Variants in VAPA observed in about 807,000 individuals in gnomAD.
VAPA encodes the protein vesicle-associated membrane protein-associated protein A.
Under a neutral mutation model 25.6 loss-of-function variants are expected in VAPA, and 6 were observed. That is an observed-to-expected ratio of 0.23 (90% CI 0.13 to 0.46). The LOEUF (loss-of-function observed/expected upper bound fraction) is 0.46. VAPA is among the 20% of genes least tolerant of loss of function. VAPA has a pLI of 0.99. For synonymous variants in VAPA, 112 were observed against 106.2 expected, an observed-to-expected ratio of 1.05 and a Z score of -0.34; for missense variants, 244 against 302.1, an observed-to-expected ratio of 0.81 and a Z score of 1.43.
chr18:9,937,160 G>T (rs2069319409), intron 4 of VAPA, 94 bp downstream of exon 4: 6 of 878,606 alleles, frequency 6.8e-6, no homozygotes, highest in Non-Finnish European at 8.8e-6. Flanking sequence ...AGGTATGTGT[G>T]ATATGGCTAT....
In VAPA at chr18:9,955,320, G is replaced by A. The variant is rs1035736841; in HGVS notation, c.*1109G>A. ...ATGGAAGTTTGGTAATACTGAGCAA[G>A]CCTGTGGAATTTTCTTTATGAAAAA... is the stretch of plus-strand genomic sequence containing the variant. On this transcript the variant is annotated 3_prime_UTR_variant, in exon 6 of 6. Coordinates refer to ENST00000400000, the MANE Select transcript of VAPA (RefSeq NM_194434.3). The A allele has an allele frequency of 2.0e-5, 3 of 152,194 alleles. No homozygotes were observed. The highest frequency in any genetic ancestry group is 4.8e-5 in the African/African-American group (2 of 41,456). 9.4% of individuals were successfully genotyped at this position (152,194 alleles called of 1,614,324 possible).
chr18:9,926,672 G>T (rs977667459), intron 1 of VAPA, among the ~76,000 whole-genome samples: 16 of 152,136 alleles, frequency 1.1e-4, no homozygotes, highest in African/African-American at 3.9e-4. Context: ...GAAACCCTGA[G>T]CTTAGAGAAC....
rs530156069 is a variant in VAPA, at chr18:9,956,485, T to C, written c.*2274T>C. ...TAGGTAGGCATTTTATAAAATGCAT[T>C]ATGCCATGGTTGCTTTTGAGATAGA... is the stretch of plus-strand genomic sequence containing the variant. On this transcript the variant is annotated 3_prime_UTR_variant, in exon 6 of 6. Transcript: ENST00000400000. 3 of 152,598 alleles carry C rather than the reference T, an allele frequency of 2.0e-5. No homozygotes were observed. Among genetic ancestry groups the C allele is most frequent in the Non-Finnish European group, 4.4e-5 (3 of 68,034 alleles). The allele number at this position is 152,598 out of a possible 1,614,324, so 9.5% of individuals were successfully genotyped here.
chr18:9,943,394 C>T (rs890625920), intron 4 of VAPA, among the ~76,000 whole-genome samples: 3 of 152,120 alleles, frequency 2.0e-5, no homozygotes, highest in African/African-American at 7.2e-5. Context: ...CAAATACCAT[C>T]CTTAAGCACA....
chr18:9,943,181 A>G (rs1316424221), intron 4 of VAPA, among the ~76,000 whole-genome samples: 1 of 152,192 alleles, frequency 6.6e-6, no homozygotes, highest in Non-Finnish European at 1.5e-5. Flanking sequence ...GCTTGAGTCC[A>G]TGTTTTTATT....
intron 4 of VAPA, among the ~76,000 whole-genome samples, chr18:9,946,040 C>A (rs1274544166): frequency 2.0e-5 from 3 of 152,138 alleles, no homozygotes; most frequent in Non-Finnish European, 2.9e-5. Context: ...CTTTGTTCTT[C>A]CCAAGGCTTC....
chr18:9,921,688 A>G (rs982403869), intron 1 of VAPA, among the ~76,000 whole-genome samples: 1 of 152,166 alleles, frequency 6.6e-6, no homozygotes, highest in East Asian at 1.9e-4. Context: ...TTGATACAGG[A>G]TGGATCTTGC....
chr18:9,926,378 A>G (rs2069200323), intron 1 of VAPA, among the ~76,000 whole-genome samples: 1 of 152,162 alleles, frequency 6.6e-6, no homozygotes. Flanking sequence ...GTATTTGAGC[A>G]GAGCACCCAG....
chr18:9,958,951 T>G lies in VAPA; in HGVS notation c.*4740T>G, dbSNP rs1364366331. On this transcript the variant is annotated 3_prime_UTR_variant, in exon 6 of 6. Coordinates refer to ENST00000400000, the MANE Select transcript of VAPA (RefSeq NM_194434.3). ...CCTGAGAAATTTATTTTGTCCATCA[T>G]GTATTTCTCAAAGCAAAAGGTGGTT... 1 of 152,242 alleles carries G rather than the reference T, an allele frequency of 6.6e-6. No individual in the cohort carries two copies. The highest frequency in any genetic ancestry group is 1.5e-5 in the Non-Finnish European group (1 of 68,028). The allele number at this position is 152,242 out of a possible 1,614,324, so 9.4% of individuals were successfully genotyped here.
At chr18:9,941,783 C>T (rs1481651256) in intron 4 of VAPA, among the ~76,000 whole-genome samples, 2 of 152,114 alleles carry the variant, frequency 1.3e-5, no homozygotes, top group Non-Finnish European at 2.9e-5. Context: ...TGATAAAATG[C>T]TGTATGATGC....
chr18:9,950,702 C>A (rs533087029), intron 5 of VAPA, 134 bp downstream of exon 5: 34 of 811,042 alleles, frequency 4.2e-5, no homozygotes, highest in Middle Eastern at 2.9e-4. Flanking sequence ...AGTGCCTTTG[C>A]TCCCCACCCT....
intron 4 of VAPA, among the ~76,000 whole-genome samples, chr18:9,939,826 G>A (rs1157024524): frequency 2.0e-5 from 3 of 152,136 alleles, no homozygotes; most frequent in African/African-American, 7.2e-5. Flanking sequence ...AACTTCCTGT[G>A]ATGCACAAAA....
intron 1 of VAPA, among the ~76,000 whole-genome samples, chr18:9,920,749 C>G (rs1164786792): frequency 6.6e-6 from 1 of 152,252 alleles, no homozygotes; most frequent in East Asian, 1.9e-4. Flanking sequence ...CTGCCTAACT[C>G]TCCAGCCTCA....
intron 1 of VAPA, among the ~76,000 whole-genome samples, chr18:9,927,139 G>A (rs1479532888): frequency 1.3e-5 from 2 of 152,128 alleles, no homozygotes; most frequent in South Asian, 2.1e-4. Context: ...ATGTTCAGGA[G>A]TGACTATATT....
Position 9,954,599 on chromosome 18 carries a change from A to G in VAPA, c.*388A>G, listed in dbSNP as rs2143452078. On this transcript the variant is annotated 3_prime_UTR_variant, in exon 6 of 6. Transcript: ENST00000400000. Reference sequence around the variant, plus strand: ...GCTGTTACCTCTTGAAATATGATTTATTTAGATTGCTAATCCCACTCATTC... The same window carrying G: ...GCTGTTACCTCTTGAAATATGATTTGTTTAGATTGCTAATCCCACTCATTC... 6.2e-6 allele frequency: 1 copy of G among 160,552 alleles called. No homozygotes were observed. Among genetic ancestry groups the G allele is most frequent in the South Asian group, 1.9e-4 (1 of 5,216 alleles). 9.9% of individuals were successfully genotyped at this position (160,552 alleles called of 1,614,324 possible).
chr18:9,934,202 A>G (rs979573884), intron 2 of VAPA, among the ~76,000 whole-genome samples: 1 of 152,060 alleles, frequency 6.6e-6, no homozygotes, highest in Non-Finnish European at 1.5e-5. Context: ...CTACATGCTC[A>G]TTTCTCTTTT....
rs35385835 is a variant in VAPA, at chr18:9,959,716, T to TTAA, written c.*5505_*5506insTAA. On this transcript the variant is annotated 3_prime_UTR_variant, in exon 6 of 6. Transcript: ENST00000400000. ...GAGAGAGAGAGTGAGTTACTGACAT[T>TTAA]GTTCCAAAAAAAAAAAAAAAAAAAA... 1 of 126,228 alleles carries TTAA rather than the reference T, an allele frequency of 7.9e-6. No homozygotes were observed. Among genetic ancestry groups the TTAA allele is most frequent in the Admixed American group, 8.3e-5 (1 of 11,986 alleles). 7.8% of individuals were successfully genotyped at this position (126,228 alleles called of 1,614,324 possible).
intron 1 of VAPA, among the ~76,000 whole-genome samples, chr18:9,924,325 TAGTA>T (rs151204053): frequency 0.014 from 2,173 of 152,320 alleles, 58 homozygotes; most frequent in African/African-American, 0.048. Flanking sequence ...GTTAAATTAT[TAGTA>T]AGTAGCATGC....
chr18:9,922,259 C>T (rs1456622670), intron 1 of VAPA, among the ~76,000 whole-genome samples: 1 of 152,150 alleles, frequency 6.6e-6, no homozygotes, highest in Non-Finnish European at 1.5e-5. Flanking sequence ...CATGAGCTAC[C>T]ATACCTGGCC....
Sources: gnomAD v4.1 joint callset for allele counts (sites outside exome capture counted in the v4.1 genomes callset) on GRCh38, gnomAD v4.1.1 for gene constraint, MANE v1.5 for transcripts, NCBI Gene and HGNC (gene_info 2026-07-23, HGNC 2026-07-21) for gene names.